TNIK: variants seen among roughly 807,000 people sequenced by gnomAD.
TNIK encodes the protein TRAF2 and NCK-interacting protein kinase.
Under a neutral mutation model 191.3 loss-of-function variants are expected in TNIK, and 49 were observed. The observed-to-expected ratio is 0.26, with a 90% CI of 0.20 to 0.32. TNIK has a LOEUF of 0.32. Ranked by LOEUF, TNIK falls within the 10% of genes least tolerant of loss-of-function variation. The pLI is 1.00. For missense variants in TNIK, 1,155 were observed against 1,702.3 expected (o/e 0.68, Z 5.66); for synonymous variants, 594 against 600.9 (o/e 0.99, Z 0.17).
chr3:171,089,401 C>T (rs1240175186), intron 23 of TNIK, among the ~76,000 whole-genome samples: 1 of 152,140 alleles, frequency 6.6e-6, no homozygotes, highest in Non-Finnish European at 1.5e-5. Context: ...TACTGAAAAG[C>T]TTTTAAACAT....
chr3:171,457,899 G>C (rs1728954487), intron 1 of TNIK, among the ~76,000 whole-genome samples: 1 of 152,312 alleles, frequency 6.6e-6, no homozygotes, highest in Middle Eastern at 3.4e-3. Flanking sequence ...TCACAAGAAA[G>C]CACATCCCAA....
rs767165156 is a variant in TNIK, at chr3:171,101,522, C to T, written c.2518G>A (p.Glu840Lys). The T allele has an allele frequency of 1.2e-5, 20 of 1,613,488 alleles. No homozygotes were observed. The highest frequency in any genetic ancestry group is 2.2e-5 in the South Asian group (2 of 91,062). The change falls in exon 22 of 33, where the codon GAG becomes AAG. Residue 840 changes from glutamate to lysine, a missense_variant. Coordinates refer to ENST00000436636, the MANE Select transcript of TNIK (RefSeq NM_015028.4). ...SSSSEESESSEEEEEDGESET... is the reference protein window; with the variant it reads ...SSSSEESESSKEEEEDGESET... ...CTCTCTCCATCTTCCTCCTCTTCCT[C>T]GCTACTTTCTGACTCCTCACTGGAG...
At chr3:171,270,663 C>A (rs1368706998) in intron 2 of TNIK, among the ~76,000 whole-genome samples, 1 of 152,128 alleles carries the variant, frequency 6.6e-6, no homozygotes, top group African/African-American at 2.4e-5. Context: ...CCTCTCTCAC[C>A]CCTGCCTACT....
chr3:171,331,983 T>C (rs1391558528), intron 2 of TNIK, among the ~76,000 whole-genome samples: 1 of 150,440 alleles, frequency 6.6e-6, no homozygotes, highest in Non-Finnish European at 1.5e-5. Context: ...AACTCACTAC[T>C]ATCTTTGCAA....
At chr3:171,227,065 T>G (rs374468141) in intron 3 of TNIK, among the ~76,000 whole-genome samples, 3 of 152,192 alleles carry the variant, frequency 2.0e-5, no homozygotes, top group Non-Finnish European at 4.4e-5. Context: ...TTAGCTTTCA[T>G]GTACAGCAGA....
At chr3:171,145,072 G>A (rs943029412) in intron 12 of TNIK, among the ~76,000 whole-genome samples, 2 of 144,440 alleles carry the variant, frequency 1.4e-5, no homozygotes, top group Non-Finnish European at 3.0e-5. Flanking sequence ...AAACAAAGGA[G>A]CACAGCTATC....
intron 2 of TNIK, among the ~76,000 whole-genome samples, chr3:171,282,680 A>G (rs79907410): frequency 0.019 from 2,893 of 152,304 alleles, 98 homozygotes; most frequent in African/African-American, 0.067. Context: ...AAAATAACAA[A>G]TGAAACTGAA....
chr3:171,290,355 C>A (rs556992033), intron 2 of TNIK, among the ~76,000 whole-genome samples: 3 of 152,312 alleles, frequency 2.0e-5, no homozygotes, highest in Admixed American at 1.3e-4. Flanking sequence ...CCATCATTAA[C>A]TACAGAGAGG....
chr3:171,255,457 A>G (rs1746739916), intron 2 of TNIK, among the ~76,000 whole-genome samples: 1 of 152,176 alleles, frequency 6.6e-6, no homozygotes, highest in Non-Finnish European at 1.5e-5. Flanking sequence ...CAAACTCCGG[A>G]TATAAGCTAA....
chr3:171,417,337 TTATC>T (rs1347422792), intron 1 of TNIK, among the ~76,000 whole-genome samples: 1 of 152,164 alleles, frequency 6.6e-6, no homozygotes, highest in African/African-American at 2.4e-5. Flanking sequence ...TTGAATACTC[TTATC>T]TATCTCTGCT....
At chr3:171,201,347 C>T (rs973044016) in intron 4 of TNIK, among the ~76,000 whole-genome samples, 1 of 152,000 alleles carries the variant, frequency 6.6e-6, no homozygotes, top group South Asian at 2.1e-4. Context: ...TGTGGTGAGC[C>T]GAGATCAAGC....
chr3:171,403,611 C>CA (rs57982642), intron 1 of TNIK, among the ~76,000 whole-genome samples: 2,050 of 100,042 alleles, frequency 0.02, 57 homozygotes, highest in African/African-American at 0.074. Context: ...GACTCCGTAT[C>CA]AAAAAAAAAA....
intron 2 of TNIK, among the ~76,000 whole-genome samples, chr3:171,285,406 G>A (rs576771991): frequency 3.3e-5 from 5 of 152,332 alleles, no homozygotes; most frequent in African/African-American, 1.2e-4. Flanking sequence ...AAACGTAGAT[G>A]AGAAAGTAAA....
At chr3:171,112,501 G>C (rs2108509472) in intron 18 of TNIK, among the ~76,000 whole-genome samples, 1 of 152,110 alleles carries the variant, frequency 6.6e-6, no homozygotes, top group East Asian at 1.9e-4. Flanking sequence ...ATATTAAAAG[G>C]GAAAAAATAA....
chr3:171,376,771 GAT>G (rs1717310580), intron 1 of TNIK, among the ~76,000 whole-genome samples: 3 of 151,896 alleles, frequency 2.0e-5, no homozygotes, highest in African/African-American at 7.3e-5. Context: ...TAGATAGATA[GAT>G]AGATAGATAG....
At chr3:171,418,676 C>T (rs372568180) in intron 1 of TNIK, among the ~76,000 whole-genome samples, 1 of 151,632 alleles carries the variant, frequency 6.6e-6, no homozygotes, top group Non-Finnish European at 1.5e-5. Flanking sequence ...TTTAGGGTGG[C>T]GTAGGGAGAA....
At chr3:171,225,672 C>G (rs1230824071) in intron 3 of TNIK, 5 of 454,774 alleles carry the variant, frequency 1.1e-5, no homozygotes, top group Non-Finnish European at 2.2e-5. Flanking sequence ...GGAAAAATAA[C>G]TGTGTAACTT....
rs1163818085 is a variant in TNIK at position 171,159,913 on chromosome 3, T to G, written c.1016+1357A>C. ...TGTTATAATTACGGAAGTGTTAAGG[T>G]ACGGCTGGGCTGGCTCGTTGAGTGA... On this transcript the variant is annotated intron_variant, in intron 11 of 32. Coordinates refer to ENST00000436636, the MANE Select transcript of TNIK (RefSeq NM_015028.4). This position sits in a 1 kb window ranked among gnomAD's most constrained non-coding sequence, Gnocchi z 4.1. Among the ~76,000 whole-genome samples the G allele has an allele frequency of 6.6e-6, 1 of 152,224 alleles. No homozygotes were observed. The highest frequency in any genetic ancestry group is 1.5e-5 in the Non-Finnish European group (1 of 68,044).
chr3:171,324,558 C>A (rs533414741), intron 2 of TNIK, among the ~76,000 whole-genome samples: 1 of 152,198 alleles, frequency 6.6e-6, no homozygotes, highest in East Asian at 1.9e-4. Context: ...GTCAGGTGTT[C>A]TTGTTCATCT....
Sources: gnomAD v4.1 joint callset for allele counts (sites outside exome capture counted in the v4.1 genomes callset) on GRCh38, gnomAD v4.1.1 for gene constraint, Gnocchi (gnomAD v3.1) non-coding constraint, MANE v1.5 for transcripts, NCBI Gene and HGNC (gene_info 2026-07-23, HGNC 2026-07-21) for gene names.